Variants in ESRRG observed in about 807,000 individuals in gnomAD.
ESRRG encodes estrogen related receptor gamma.
ESRRG carries 13 observed loss-of-function variants against 44.0 expected under a neutral mutation model. The ratio of observed to expected loss-of-function variants is 0.30; its 90% confidence interval spans 0.19 to 0.47. The LOEUF is 0.47. ESRRG is among the 20% of genes least tolerant of loss of function. ESRRG has a pLI of 1.00. For missense variants in ESRRG, 395 were observed against 580.6 expected (o/e 0.68, Z 3.29); for synonymous variants, 215 against 214.6 (o/e 1.00, Z -0.02).
At chr1:216,906,643 G>T (rs2059716325) in intron 2 of ESRRG, among the ~76,000 whole-genome samples, 1 of 152,166 alleles carries the variant, frequency 6.6e-6, no homozygotes, top group Admixed American at 6.5e-5. Flanking sequence ...ATAATGAAAA[G>T]ATTAATGTCA....
rs922401553 is a variant in ESRRG at position 216,503,526 on chromosome 1, C to G, written c.*3413G>C. The G allele has an allele frequency of 6.6e-6, 1 of 151,156 alleles. No individual in the cohort carries two copies. The highest frequency in any genetic ancestry group is 2.5e-5 in the African/African-American group (1 of 40,290). 9.4% of individuals were successfully genotyped at this position (151,156 alleles called of 1,614,324 possible). On this transcript the variant is annotated 3_prime_UTR_variant, in exon 7 of 7. Coordinates refer to ENST00000408911, the MANE Select transcript of ESRRG (RefSeq NM_001438.4). ...TTTATTATTATTATTATTATTTTTACTACTGGCTATAATGCAACTCCTGGA... is the reference window on the plus strand; with the variant it reads ...TTTATTATTATTATTATTATTTTTAGTACTGGCTATAATGCAACTCCTGGA...
chr1:216,719,988 T>A (rs2085852658), intron 1 of ESRRG, among the ~76,000 whole-genome samples: 1 of 152,068 alleles, frequency 6.6e-6, no homozygotes, highest in African/African-American at 2.4e-5. Context: ...GGGTAATACA[T>A]AAATACCCTG....
At chr1:217,020,725 A>G (rs1162032896) in intron 1 of ESRRG, among the ~76,000 whole-genome samples, 1 of 152,204 alleles carries the variant, frequency 6.6e-6, no homozygotes, top group Non-Finnish European at 1.5e-5. Flanking sequence ...TCTACGGATA[A>G]GCATCTTAAA....
chr1:217,034,944 G>T (rs561232288), intron 1 of ESRRG, among the ~76,000 whole-genome samples: 1 of 152,114 alleles, frequency 6.6e-6, no homozygotes, highest in African/African-American at 2.4e-5. Context: ...ACGCCTTCTA[G>T]GTATCTATAT....
chr1:216,890,977 A>G (rs986039511), intron 2 of ESRRG, among the ~76,000 whole-genome samples: 3 of 152,172 alleles, frequency 2.0e-5, no homozygotes, highest in African/African-American at 7.2e-5. Context: ...ATAATAAAGA[A>G]TGATTACACG....
chr1:216,678,939 G>T (rs2076563735), intron 1 of ESRRG, among the ~76,000 whole-genome samples: 1 of 152,146 alleles, frequency 6.6e-6, no homozygotes, highest in South Asian at 2.1e-4. Flanking sequence ...CCATTGTTCT[G>T]TTACTTCAAA....
chr1:217,045,122 T>TA lies in ESRRG; in HGVS notation c.-106+44384_-106+44385insT, dbSNP rs552329023. Among the ~76,000 whole-genome samples, 49 of 152,272 alleles carry TA rather than the reference T, an allele frequency of 3.2e-4. No homozygotes were observed. In the East Asian group the frequency reaches 8.9e-3, roughly 28 times the overall value. ...TAATGTGCTCAGCTGGGGAAATATA[T>TA]TTTTTTAAATGAGCATTTGTTAGGG... On this transcript the variant is annotated intron_variant, in intron 1 of 7. Transcript: ENST00000359162.
intron 3 of ESRRG, among the ~76,000 whole-genome samples, chr1:216,613,588 T>C (rs908872203): frequency 1.3e-5 from 2 of 152,202 alleles, no homozygotes; most frequent in Non-Finnish European, 2.9e-5. Flanking sequence ...CATTGTTGTG[T>C]TCAACCATTA....
In ESRRG at chr1:216,519,537, A is replaced by C. The variant is rs566571043; in HGVS notation, c.863-116T>G. 2.5e-5 allele frequency: 25 copies of C among 1,002,120 alleles called. No individual in the cohort carries two copies. In the South Asian group the frequency reaches 4.1e-4, roughly 16 times the overall value. The allele number at this position is 1,002,120 out of a possible 1,614,324, so 62.1% of individuals were successfully genotyped here. On this transcript the variant is annotated intron_variant, in intron 5 of 6. Coordinates refer to ENST00000408911, the MANE Select transcript of ESRRG (RefSeq NM_001438.4). Reference sequence around the variant, plus strand: ...GTGCTCAAAATTATGCTGAGCTTTGATTAGAAGCTCTTAAAATTTTCCCTG... The same window carrying C: ...GTGCTCAAAATTATGCTGAGCTTTGCTTAGAAGCTCTTAAAATTTTCCCTG...
chr1:216,543,760 A>T (rs2053602208), intron 5 of ESRRG, among the ~76,000 whole-genome samples: 1 of 152,036 alleles, frequency 6.6e-6, no homozygotes, highest in Non-Finnish European at 1.5e-5. Context: ...GATTTTATTT[A>T]TGTTTAACAC....
intron 3 of ESRRG, among the ~76,000 whole-genome samples, chr1:216,606,387 C>T (rs559096423): frequency 4.6e-5 from 7 of 152,360 alleles, no homozygotes; most frequent in South Asian, 2.1e-4. Context: ...ACTCCATTTG[C>T]TCTCACACAG....
At chr1:216,593,149 T>C (rs1214070129) in intron 3 of ESRRG, among the ~76,000 whole-genome samples, 1 of 152,220 alleles carries the variant, frequency 6.6e-6, no homozygotes, top group Non-Finnish European at 1.5e-5. Context: ...GGTTGCTCAA[T>C]GTGAATGAAT....
intron 2 of ESRRG, among the ~76,000 whole-genome samples, chr1:216,892,193 G>T (rs944093636): frequency 2.6e-5 from 4 of 151,954 alleles, no homozygotes; most frequent in Non-Finnish European, 4.4e-5. Context: ...TTATTTAATG[G>T]AAAACTTAGT....
intron 5 of ESRRG, among the ~76,000 whole-genome samples, chr1:216,519,758 G>A (rs2045496383): frequency 2.1e-5 from 3 of 145,298 alleles, no homozygotes; most frequent in Admixed American, 1.4e-4. Context: ...CTTACAGGAA[G>A]TCAGATTTTC....
At chr1:216,662,659 A>G (rs943929344) in intron 2 of ESRRG, among the ~76,000 whole-genome samples, 1 of 152,066 alleles carries the variant, frequency 6.6e-6, no homozygotes, top group African/African-American at 2.4e-5. Flanking sequence ...TGTCCAAGGG[A>G]CATAGGATGA....
At chr1:217,135,430 G>T (rs2093035056) in intron 1 of ESRRG, among the ~76,000 whole-genome samples, 1 of 152,186 alleles carries the variant, frequency 6.6e-6, no homozygotes, top group East Asian at 1.9e-4. Flanking sequence ...GAATGAGAAG[G>T]GAGAAATCAA....
chr1:216,568,053 C>A lies in ESRRG; in HGVS notation c.635G>T (p.Arg212Leu), dbSNP rs760328973. 6 of 1,613,780 alleles carry A rather than the reference C, an allele frequency of 3.7e-6. No homozygotes were observed. Among genetic ancestry groups the A allele is most frequent in the Non-Finnish European group, 5.1e-6 (6 of 1,179,862 alleles). Reference sequence around the variant, plus strand: ...TGGGCTGTTCTCCGCATCTATCCTGCGCTTGTACTTCTGCCGACCTCCACG... The same window carrying A: ...TGGGCTGTTCTCCGCATCTATCCTGAGCTTGTACTTCTGCCGACCTCCACG... ...RVRGGRQKYK[R>L]RIDAENSPYL... The change falls in exon 4 of 7, where the codon CGC becomes CTC. Residue 212 changes from arginine to leucine, a missense_variant. Coordinates refer to ENST00000408911, the MANE Select transcript of ESRRG (RefSeq NM_001438.4).
chr1:216,976,286 A>ATG (rs61142800), intron 1 of ESRRG, among the ~76,000 whole-genome samples: 6,368 of 146,882 alleles, frequency 0.043, 162 homozygotes, highest in Admixed American at 0.056. Flanking sequence ...ATGCTCCTAA[A>ATG]TGTGTGTGTG....
In ESRRG at chr1:216,615,209, T is replaced by C. The variant is rs4846583; in HGVS notation, c.589+35764A>G. ...TGACTGAGGAGCTTTTTCAAAAGACTTTTGTTGACCACAAACCTTTAGGCA... is the reference window on the plus strand; with the variant it reads ...TGACTGAGGAGCTTTTTCAAAAGACCTTTGTTGACCACAAACCTTTAGGCA... On this transcript the variant is annotated intron_variant, in intron 3 of 6. Transcript: ENST00000408911. Among the ~76,000 whole-genome samples the C allele has an allele frequency of 1.2e-3, 180 of 152,188 alleles. 1 individual carries two copies. The East Asian group carries it at 0.019, about 16-fold the overall frequency.
Sources: allele counts gnomAD v4.1 joint callset (sites outside exome capture counted in the v4.1 genomes callset), GRCh38; gene constraint gnomAD v4.1.1; transcripts MANE v1.5; gene names NCBI Gene and HGNC (gene_info 2026-07-23, HGNC 2026-07-21).